MANBA: variants seen among roughly 807,000 people sequenced by gnomAD.
The protein encoded by MANBA is beta-mannosidase.
In MANBA, 83 loss-of-function variants were observed where a neutral mutation model predicts 111.1. The ratio of observed to expected loss-of-function variants is 0.75; its 90% confidence interval spans 0.63 to 0.90. The LOEUF is 0.90. Ranked by LOEUF, MANBA falls within the 40% of genes least tolerant of loss-of-function variation. The pLI, the probability that MANBA is intolerant of heterozygous loss-of-function variation, is 0.00. For synonymous variants in MANBA, 370 were observed against 378.7 expected (o/e 0.98, Z 0.27); for missense variants, 1,036 against 1,069.0 (o/e 0.97, Z 0.43).
intron 11 of MANBA, among the ~76,000 whole-genome samples, chr4:102,659,942 CT>C (rs1230820322): frequency 6.6e-6 from 1 of 151,820 alleles, no homozygotes; most frequent in Non-Finnish European, 1.5e-5. Flanking sequence ...GACACTCTAC[CT>C]CTCTCTCAGG....
At chr4:102,635,698 G>A (rs998120259) in intron 15 of MANBA, among the ~76,000 whole-genome samples, 167 bp downstream of exon 15, 2 of 152,192 alleles carry the variant, frequency 1.3e-5, no homozygotes. Flanking sequence ...AAGATGTGAA[G>A]GGTTTTGCTT....
At chr4:102,704,716 C>T (rs1733220746) in intron 5 of MANBA, among the ~76,000 whole-genome samples, 1 of 151,748 alleles carries the variant, frequency 6.6e-6, no homozygotes, top group Admixed American at 6.6e-5. Context: ...GTGATAACTG[C>T]TGTCTTCCAG....
In MANBA at chr4:102,760,689, G is replaced by T. The variant is rs542975311; in HGVS notation, c.177+29C>A. The T allele has an allele frequency of 1.5e-3, 2,232 of 1,509,636 alleles. 8 individuals carry two copies. The highest frequency in any genetic ancestry group is 0.012 in the Middle Eastern group (54 of 4,446). The allele number at this position is 1,509,636 out of a possible 1,614,324, so 93.5% of individuals were successfully genotyped here. A position where few individuals can be genotyped will look rare whatever the true frequency, so the allele number is the denominator to read the frequency against. On this transcript the variant is annotated intron_variant, in intron 1 of 16. Transcript: ENST00000647097. ...CAGCACCAGAAGAAGGCGGGCGCAGGCTCGCCGCGGGTCGGCCGCACGCCA... is the reference window on the plus strand; with the variant it reads ...CAGCACCAGAAGAAGGCGGGCGCAGTCTCGCCGCGGGTCGGCCGCACGCCA...
chr4:102,760,861 ACAGCGCGAGCAG>A lies in MANBA; in HGVS notation c.22_33del (p.Leu8_Leu11del). The stretch of plus-strand genomic sequence containing the variant: ...TCCGCGGCGGTGGTGCCTGCACCGC[ACAGCGCGAGCAG>A]CAGGAGCAGGTGGAGGCGCATCTTG... On this transcript the variant is annotated inframe_deletion, in exon 1 of 17. Transcript: ENST00000647097. The A allele has an allele frequency of 6.4e-7, 1 of 1,572,116 alleles. No individual in the cohort carries two copies. The highest frequency in any genetic ancestry group is 8.6e-7 in the Non-Finnish European group (1 of 1,160,236).
rs150200965 is a variant in MANBA at position 102,698,682 on chromosome 4, T to C, written c.674-7911A>G. On this transcript the variant is annotated intron_variant, in intron 5 of 16. Coordinates refer to ENST00000647097, the MANE Select transcript of MANBA (RefSeq NM_005908.4). ...AGATAGTTGTAGATATACAGCGTTA[T>C]TTCTGAGGGCTCTATTCTGTTCCCT... is the stretch of plus-strand genomic sequence containing the variant. Among the ~76,000 whole-genome samples, 808 of 152,134 alleles carry C rather than the reference T, an allele frequency of 5.3e-3. 6 individuals are homozygous for C. The highest frequency in any genetic ancestry group is 0.019 in the African/African-American group (773 of 41,388).
chr4:102,715,232 C>G (rs941822231), intron 4 of MANBA, among the ~76,000 whole-genome samples: 11 of 152,200 alleles, frequency 7.2e-5, no homozygotes, highest in Admixed American at 1.3e-4. Context: ...AAGCCAGCCT[C>G]TGTGTCATGG....
chr4:102,652,103 C>T (rs1467270647), intron 12 of MANBA, among the ~76,000 whole-genome samples: 2 of 152,124 alleles, frequency 1.3e-5, no homozygotes, highest in Admixed American at 6.6e-5. Context: ...GTGTCGGGAA[C>T]ACTCAAAATT....
intron 14 of MANBA, among the ~76,000 whole-genome samples, chr4:102,636,367 C>G (rs952306134): frequency 1.3e-5 from 2 of 152,160 alleles, no homozygotes; most frequent in Non-Finnish European, 2.9e-5. Context: ...CTAACCTGTA[C>G]AGCATATTGC....
intron 1 of MANBA, among the ~76,000 whole-genome samples, chr4:102,737,886 T>C (rs1159644272): frequency 2.0e-5 from 3 of 152,116 alleles, no homozygotes; most frequent in Admixed American, 2.0e-4. Context: ...GAGAACCCCA[T>C]AGTGGCCATG....
At chr4:102,746,098 T>C (rs1446046536) in intron 1 of MANBA, among the ~76,000 whole-genome samples, 1 of 152,196 alleles carries the variant, frequency 6.6e-6, no homozygotes. Context: ...GCAGCATGTG[T>C]TGGGGAGGGG....
rs181701504 is a variant in MANBA, at chr4:102,702,259, G to A, written c.674-11488C>T. ...TATTGGTTATTCTAGTTATACATTC[G>A]TCTAAATTCTTTTCAAAGTTTTTAA... On this transcript the variant is annotated intron_variant, in intron 5 of 16. Transcript: ENST00000647097. 4.5e-3 allele frequency among the ~76,000 whole-genome samples: 673 copies of A among 151,234 alleles called. 12 individuals carry two copies. Among genetic ancestry groups the A allele is most frequent in the African/African-American group, 0.015 (626 of 40,746 alleles).
Position 102,632,211 on chromosome 4 carries a change from CA to C in MANBA, c.2485del (p.Trp829GlyfsTer4), listed in dbSNP as rs1242560460. ...CCCTGGGATGCTTCCTACATCCAAC[CA>C]AACAAAGGGAGCGACAGCTGAGGTC... is the stretch of plus-strand genomic sequence containing the variant. ...LETSAVAPFV[W>X]LDVGSIPGRF... On this transcript the variant is annotated frameshift_variant, in exon 17 of 17. Coordinates refer to ENST00000647097, the MANE Select transcript of MANBA (RefSeq NM_005908.4). LOFTEE classifies it high-confidence loss of function. 6.2e-7 allele frequency: 1 copy of C among 1,613,458 alleles called. No homozygotes were observed. The highest frequency in any genetic ancestry group is 8.5e-7 in the Non-Finnish European group (1 of 1,179,686).
chr4:102,696,900 G>C (rs1458618663), intron 5 of MANBA, among the ~76,000 whole-genome samples: 1 of 152,174 alleles, frequency 6.6e-6, no homozygotes, highest in African/African-American at 2.4e-5. Context: ...CGGTACTCCT[G>C]CCAGAATCAT....
chr4:102,705,014 A>G (rs753241130), intron 5 of MANBA, among the ~76,000 whole-genome samples: 2 of 152,226 alleles, frequency 1.3e-5, no homozygotes, highest in Non-Finnish European at 2.9e-5. Context: ...TGCCACCTCC[A>G]CAAAGAAGAA....
In MANBA at chr4:102,754,018, GA is replaced by G. The variant is rs759114648; in HGVS notation, c.177+6699del. On this transcript the variant is annotated intron_variant, in intron 1 of 16. Coordinates refer to ENST00000647097, the MANE Select transcript of MANBA (RefSeq NM_005908.4). ...ACTCTGTCTCAAAAAAAAAAAAAAA[GA>G]AAAAAAAAATCACCATTAAAGATAA... 882 of 230,898 alleles carry G rather than the reference GA, an allele frequency of 3.8e-3. 1 individual carries two copies. The highest frequency in any genetic ancestry group is 5.3e-3 in the Non-Finnish European group (608 of 115,330). 14.3% of individuals were successfully genotyped at this position (230,898 alleles called of 1,614,324 possible).
chr4:102,656,443 T>C (rs936469453), intron 12 of MANBA, among the ~76,000 whole-genome samples: 1 of 152,080 alleles, frequency 6.6e-6, no homozygotes, highest in Non-Finnish European at 1.5e-5. Context: ...TTGGCAAGGA[T>C]GTAGAAAAAT....
chr4:102,687,162 T>C (rs1322072978), intron 7 of MANBA, among the ~76,000 whole-genome samples: 2 of 152,234 alleles, frequency 1.3e-5, no homozygotes, highest in Non-Finnish European at 1.5e-5. Flanking sequence ...TAACTCCTTC[T>C]TTTTTCCCAC....
chr4:102,701,687 C>T (rs949702551), intron 5 of MANBA, among the ~76,000 whole-genome samples: 8 of 151,916 alleles, frequency 5.3e-5, no homozygotes, highest in Admixed American at 5.2e-4. Context: ...GAATATTGGC[C>T]CCCACTCTCT....
At position 102,639,748 on chromosome 4, in the gene MANBA, T is replaced by C; in HGVS notation, c.1979A>G (p.Asn660Ser). The C allele has an allele frequency of 6.2e-7, 1 of 1,614,154 alleles. No individual in the cohort carries two copies. The highest frequency in any genetic ancestry group is 8.5e-7 in the Non-Finnish European group (1 of 1,180,016). ...CCAGGAAGGAGCTTGCCAGATGTCA[T>C]TCAACTGCCAATAAAGTGCCCCCAT... Reference protein sequence around the residue: ...HTMGALYWQLNDIWQAPSWAS... With the variant: ...HTMGALYWQLSDIWQAPSWAS... The change falls in exon 14 of 17, where the codon AAT becomes AGT. Residue 660 changes from asparagine to serine, a missense_variant. Coordinates refer to ENST00000647097, the MANE Select transcript of MANBA (RefSeq NM_005908.4).
Sources: allele counts gnomAD v4.1 joint callset (sites outside exome capture counted in the v4.1 genomes callset), GRCh38; gene constraint gnomAD v4.1.1; transcripts MANE v1.5; gene names NCBI Gene and HGNC (gene_info 2026-07-23, HGNC 2026-07-21).